Variants in PARD3B observed in about 807,000 individuals in gnomAD.
The protein encoded by PARD3B is par-3 family cell polarity regulator beta.
Under a neutral mutation model 130.2 loss-of-function variants are expected in PARD3B, and 103 were observed. That is an observed-to-expected ratio of 0.79 (90% CI 0.67 to 0.93). PARD3B has a LOEUF of 0.93. Ranked by LOEUF, PARD3B falls within the 40% of genes least tolerant of loss-of-function variation. The pLI is 0.00. For synonymous variants in PARD3B, 583 were observed against 553.2 expected (o/e 1.05, Z -0.76); for missense variants, 1,609 against 1,499.2 (o/e 1.07, Z -1.21).
intron 4 of PARD3B, among the ~76,000 whole-genome samples, chr2:205,082,298 A>T (rs1382051621): frequency 6.6e-6 from 1 of 152,178 alleles, no homozygotes; most frequent in Non-Finnish European, 1.5e-5. Context: ...GGAAACACGG[A>T]TAGGGCTGAA....
intron 22 of PARD3B, among the ~76,000 whole-genome samples, chr2:205,609,381 A>T (rs1480997678): frequency 6.6e-6 from 1 of 152,204 alleles, no homozygotes; most frequent in Non-Finnish European, 1.5e-5. Flanking sequence ...TATGTGTGGC[A>T]TGCTCAAGAA....
intron 2 of PARD3B, among the ~76,000 whole-genome samples, chr2:204,807,713 T>TTAAGTGA (rs2042823981): frequency 6.6e-6 from 1 of 152,084 alleles, no homozygotes; most frequent in Non-Finnish European, 1.5e-5. Context: ...GGACATTGTG[T>TTAAGTGA]TAAGTGAAAT....
chr2:205,509,730 G>A (rs760741407), intron 21 of PARD3B, among the ~76,000 whole-genome samples: 11 of 152,314 alleles, frequency 7.2e-5, no homozygotes, highest in South Asian at 2.1e-4. Flanking sequence ...ATTCTCCAGC[G>A]CTTCTGTTTC....
intron 1 of PARD3B, among the ~76,000 whole-genome samples, chr2:204,615,558 G>A (rs2034079775): frequency 6.6e-6 from 1 of 152,252 alleles, no homozygotes; most frequent in Non-Finnish European, 1.5e-5. Context: ...TCAGTGTGGT[G>A]TATAGTTTAT....
chr2:205,156,535 G>A (rs1251237756), intron 10 of PARD3B, among the ~76,000 whole-genome samples: 2 of 86,486 alleles, frequency 2.3e-5, no homozygotes, highest in African/African-American at 9.8e-5. Flanking sequence ...ATTCACTAGA[G>A]GAAAAGATAA....
chr2:205,121,499 G>A lies in PARD3B; in HGVS notation c.807-92G>A. The A allele has an allele frequency of 1.9e-6, 2 of 1,079,394 alleles. No individual in the cohort carries two copies. The highest frequency in any genetic ancestry group is 2.8e-6 in the Non-Finnish European group (2 of 725,082). 66.9% of individuals were successfully genotyped at this position (1,079,394 alleles called of 1,614,324 possible). A position where few individuals can be genotyped will look rare whatever the true frequency, so the allele number is the denominator to read the frequency against. On this transcript the variant is annotated intron_variant, in intron 7 of 22. Transcript: ENST00000406610. This position sits in a 1 kb window ranked among gnomAD's most constrained non-coding sequence, Gnocchi z 5.0. ...ATCGTGTCTCCTATGATTAGCCACT[G>A]TGCTGCTCTTGGTTGCCATCCTCCT... is the stretch of plus-strand genomic sequence containing the variant.
intron 6 of PARD3B, among the ~76,000 whole-genome samples, chr2:205,114,555 C>G (rs1462649438): frequency 6.6e-6 from 1 of 152,092 alleles, no homozygotes; most frequent in Non-Finnish European, 1.5e-5. Flanking sequence ...CAAAATCCAG[C>G]TCTCCTAACT....
At chr2:205,519,200 T>TC (rs2050925089) in intron 21 of PARD3B, among the ~76,000 whole-genome samples, 1 of 152,230 alleles carries the variant, frequency 6.6e-6, no homozygotes, top group Non-Finnish European at 1.5e-5. Context: ...GTTTGCTTTC[T>TC]CCCCCTCCCT....
intron 18 of PARD3B, among the ~76,000 whole-genome samples, chr2:205,324,092 T>G (rs2042854299): frequency 6.6e-6 from 1 of 152,196 alleles, no homozygotes; most frequent in African/African-American, 2.4e-5. Flanking sequence ...ACACACCTTC[T>G]TTTGTCAGGG....
chr2:205,057,599 A>G (rs891294349), intron 4 of PARD3B, among the ~76,000 whole-genome samples: 5 of 104,868 alleles, frequency 4.8e-5, no homozygotes, highest in African/African-American at 6.7e-5. Context: ...GTATATATAC[A>G]TATATGTGTA....
At position 205,201,054 on chromosome 2, in the gene PARD3B, G is replaced by A. The variant is rs139375656; in HGVS notation, c.2140+7734G>A. On this transcript the variant is annotated intron_variant, in intron 15 of 22. Transcript: ENST00000406610. ...ATTTACAGTTCCATATTCAATTATG[G>A]GTACAATATTTTAATAACTACAAAG... is the stretch of plus-strand genomic sequence containing the variant. 3.1e-3 allele frequency among the ~76,000 whole-genome samples: 472 copies of A among 152,112 alleles called. 2 individuals carry two copies. Among genetic ancestry groups the A allele is most frequent in the African/African-American group, 0.011 (453 of 41,494 alleles).
chr2:204,942,795 C>CT (rs1430145921), intron 2 of PARD3B, among the ~76,000 whole-genome samples: 2 of 151,882 alleles, frequency 1.3e-5, no homozygotes, highest in African/African-American at 2.4e-5. Flanking sequence ...GTGATTTTGA[C>CT]TTTTTTTGCA....
intron 1 of PARD3B, among the ~76,000 whole-genome samples, chr2:204,616,905 A>G (rs1487544044): frequency 6.6e-6 from 1 of 152,182 alleles, no homozygotes; most frequent in Non-Finnish European, 1.5e-5. Context: ...GATTTGGCCA[A>G]TATGTCAGTG....
intron 3 of PARD3B, among the ~76,000 whole-genome samples, chr2:205,034,037 A>G (rs1172937814): frequency 6.6e-6 from 1 of 152,192 alleles, no homozygotes; most frequent in African/African-American, 2.4e-5. Flanking sequence ...ATAAATGTTG[A>G]TGCTGAAGAA....
At chr2:205,165,548 T>C (rs2034758378) in intron 11 of PARD3B, among the ~76,000 whole-genome samples, 3 of 151,910 alleles carry the variant, frequency 2.0e-5, no homozygotes, top group Admixed American at 6.6e-5. Context: ...TGAAACCCCA[T>C]CTCTGCTAAA....
At chr2:204,774,612 C>G (rs1163363766) in intron 2 of PARD3B, among the ~76,000 whole-genome samples, 1 of 152,142 alleles carries the variant, frequency 6.6e-6, no homozygotes, top group East Asian at 1.9e-4. Context: ...TTCTCTCCCA[C>G]TTGTGCTACT....
Position 205,176,478 on chromosome 2 carries a change from T to C in PARD3B, c.1825T>C (p.Cys609Arg), listed in dbSNP as rs1490317172. ...PAECGAFSKP[C>R]FENCQNAVTT... is the part of the protein sequence containing the mutation. ...AGAGTGTGGGGCATTTTCCAAGCCA[T>C]GCTTTGAGAACTGTCAAAATGCTGT... is the stretch of plus-strand genomic sequence containing the variant. Residue 609 changes from cysteine to arginine, a missense_variant, in exon 13 of 23, where the codon TGC (cysteine) becomes CGC (arginine). By Grantham distance (180) the Cys-to-Arg change is radical. Transcript: ENST00000406610. This position sits in a 1 kb window ranked among gnomAD's most constrained non-coding sequence, Gnocchi z 5.3. 1 of 1,611,784 alleles carries C rather than the reference T, an allele frequency of 6.2e-7. No individual in the cohort carries two copies. The highest frequency in any genetic ancestry group is 8.5e-7 in the Non-Finnish European group (1 of 1,178,952).
chr2:204,900,521 T>G (rs1305426068), intron 2 of PARD3B, among the ~76,000 whole-genome samples: 2 of 152,240 alleles, frequency 1.3e-5, no homozygotes, highest in Admixed American at 1.3e-4. Flanking sequence ...ATTCCTTCTC[T>G]GTGTTATCTT....
intron 21 of PARD3B, among the ~76,000 whole-genome samples, chr2:205,543,575 T>G (rs1048596678): frequency 6.6e-6 from 1 of 152,200 alleles, no homozygotes; most frequent in Non-Finnish European, 1.5e-5. Context: ...AGCAGCATTG[T>G]CGGGGGAGAA....
Sources: allele counts gnomAD v4.1 joint callset (sites outside exome capture counted in the v4.1 genomes callset), GRCh38; gene constraint gnomAD v4.1.1; non-coding constraint Gnocchi (gnomAD v3.1); transcripts MANE v1.5; gene names NCBI Gene and HGNC (gene_info 2026-07-23, HGNC 2026-07-21).